ZC3H12B: variants seen among roughly 807,000 people sequenced by gnomAD.
The protein encoded by ZC3H12B is zinc finger CCCH-type containing 12B, also known as probable ribonuclease ZC3H12B.
A neutral mutation model predicts 43.9 loss-of-function variants in ZC3H12B; 7 were observed. The observed-to-expected ratio is 0.16, with a 90% CI of 0.09 to 0.30. The LOEUF (loss-of-function observed/expected upper bound fraction) is 0.30. Ranked by LOEUF, ZC3H12B falls within the 10% of genes least tolerant of loss-of-function variation. The probability of loss-of-function intolerance (pLI) is 1.00; values close to 1 mark genes in which losing one functional copy is unlikely to be tolerated. For missense variants in ZC3H12B, 475 were observed against 670.2 expected (o/e 0.71, Z 3.22); for synonymous variants, 222 against 241.7 (o/e 0.92, Z 0.76).
At chrX:65,238,681 G>A in the ZC3H12B span, among the ~76,000 whole-genome samples, 3 of 111,290 alleles carry the variant, frequency 2.7e-5, no homozygotes, top group African/African-American at 9.8e-5. Flanking sequence ...GTAATGTTAG[G>A]TTATTAATTT....
At chrX:65,447,308 T>C (rs1297408724) in intron 3 of ZC3H12B, among the ~76,000 whole-genome samples, 1 of 112,102 alleles carries the variant, frequency 8.9e-6, no homozygotes, top group Non-Finnish European at 1.9e-5. Context: ...GTCTGTTGTT[T>C]GTCTTTGTGA....
At chrX:65,407,093 G>A (rs988770816) in intron 3 of ZC3H12B, among the ~76,000 whole-genome samples, 5 of 112,853 alleles carry the variant, frequency 4.4e-5, no homozygotes, top group African/African-American at 1.3e-4. Context: ...GACCGAGGAA[G>A]AAAAGAAAGA....
chrX:65,159,762 C>G, the ZC3H12B span, among the ~76,000 whole-genome samples: 3 of 111,860 alleles, frequency 2.7e-5, no homozygotes, highest in East Asian at 8.4e-4. Flanking sequence ...ATTTCCTTCT[C>G]TTGCCTGATT....
the ZC3H12B span, among the ~76,000 whole-genome samples, chrX:65,141,282 T>A: frequency 9.1e-5 from 10 of 110,463 alleles, no homozygotes; most frequent in African/African-American, 1.3e-4. Context: ...TTTAAAAAAA[T>A]TCCCTTTTAA....
At chrX:65,329,223 G>A in the ZC3H12B span, among the ~76,000 whole-genome samples, 1 of 110,689 alleles carries the variant, frequency 9.0e-6, no homozygotes. Context: ...CTTTCCTGAC[G>A]TTTTAATGAT....
chrX:65,112,437 A>G, the ZC3H12B span, among the ~76,000 whole-genome samples: 2 of 89,871 alleles, frequency 2.2e-5, no homozygotes, highest in African/African-American at 1.1e-4. Flanking sequence ...CAGATTTTGA[A>G]TGTTGTTAAA....
the ZC3H12B span, among the ~76,000 whole-genome samples, chrX:65,310,648 T>A: frequency 9.0e-6 from 1 of 111,604 alleles, no homozygotes; most frequent in African/African-American, 3.3e-5. Context: ...AAAAACTACT[T>A]TAAAGTTCAT....
intron 2 of ZC3H12B, among the ~76,000 whole-genome samples, chrX:65,385,279 G>T (rs1391380234): frequency 2.7e-5 from 3 of 112,151 alleles, no homozygotes; most frequent in Admixed American, 9.5e-5. Flanking sequence ...TTCTATCCAT[G>T]AGCATGGAAT....
At chrX:65,248,695 C>T in the ZC3H12B span, among the ~76,000 whole-genome samples, 1 of 111,723 alleles carries the variant, frequency 9.0e-6, no homozygotes, top group Non-Finnish European at 1.9e-5. Flanking sequence ...ACATTCTCAC[C>T]AACAGTGTAG....
chrX:65,212,788 C>G, the ZC3H12B span, among the ~76,000 whole-genome samples: 1 of 101,026 alleles, frequency 9.9e-6, no homozygotes, highest in Non-Finnish European at 2.0e-5. Flanking sequence ...AGACTATTAG[C>G]TCTATGAGAA....
chrX:65,044,751 C>T, the ZC3H12B span, among the ~76,000 whole-genome samples: 1 of 110,990 alleles, frequency 9.0e-6, no homozygotes, highest in Non-Finnish European at 1.9e-5. Flanking sequence ...TCAGATATTG[C>T]AGGTTCAGTT....
the ZC3H12B span, among the ~76,000 whole-genome samples, chrX:65,162,350 C>T: frequency 8.9e-6 from 1 of 112,042 alleles, no homozygotes; most frequent in African/African-American, 3.2e-5. Flanking sequence ...TGGATAATAT[C>T]CTGCGGAGTG....
the ZC3H12B span, among the ~76,000 whole-genome samples, chrX:65,073,185 T>TAC: frequency 2.5e-4 from 28 of 111,535 alleles, no homozygotes; most frequent in Non-Finnish European, 3.0e-4. Context: ...AAGGTGTACA[T>TAC]ACACACACAC....
At chrX:65,369,711 T>A (rs2066220219) in intron 2 of ZC3H12B, among the ~76,000 whole-genome samples, 1 of 111,942 alleles carries the variant, frequency 8.9e-6, no homozygotes, top group South Asian at 3.7e-4. Context: ...TTTTTTTCCT[T>A]CTGCATTTTT....
chrX:65,275,488 T>C, the ZC3H12B span, among the ~76,000 whole-genome samples: 1 of 113,022 alleles, frequency 8.8e-6, no homozygotes, highest in Non-Finnish European at 1.9e-5. Flanking sequence ...CATGCATGTA[T>C]TCCTTACCTG....
chrX:65,102,555 A>G, the ZC3H12B span, among the ~76,000 whole-genome samples: 1 of 112,218 alleles, frequency 8.9e-6, no homozygotes, highest in Non-Finnish European at 1.9e-5. Flanking sequence ...TACAGAAATC[A>G]ATGTGCAAAA....
chrX:65,201,054 A>G, the ZC3H12B span, among the ~76,000 whole-genome samples: 2 of 112,144 alleles, frequency 1.8e-5, no homozygotes, highest in Non-Finnish European at 3.8e-5. Flanking sequence ...CTGGCTTCAT[A>G]GAATGAGTAA....
the ZC3H12B span, among the ~76,000 whole-genome samples, chrX:65,306,638 G>A: frequency 2.7e-5 from 3 of 111,970 alleles, no homozygotes; most frequent in South Asian, 1.1e-3. Flanking sequence ...GCCTCCCAAA[G>A]TGCTAGGATT....
At chrX:65,318,431 TG>T in the ZC3H12B span, among the ~76,000 whole-genome samples, 7 of 108,395 alleles carry the variant, frequency 6.5e-5, no homozygotes, top group African/African-American at 2.4e-4. Context: ...TTTTTTTTTT[TG>T]AGACAGAGTT....
Sources: allele counts gnomAD v4.1 joint callset (sites outside exome capture counted in the v4.1 genomes callset), GRCh38; gene constraint gnomAD v4.1.1; transcripts MANE v1.5; gene names NCBI Gene and HGNC (gene_info 2026-07-23, HGNC 2026-07-21).